WAC: variants seen among roughly 807,000 people sequenced by gnomAD.
The protein encoded by WAC is WW domain containing adaptor with coiled-coil.
WAC carries 11 observed loss-of-function variants against 79.6 expected under a neutral mutation model. The ratio of observed to expected loss-of-function variants is 0.14; its 90% CI spans 0.09 to 0.23. The LOEUF (loss-of-function observed/expected upper bound fraction) is 0.23. Ranked by LOEUF, WAC falls within the 10% of genes least tolerant of loss-of-function variation. The probability of loss-of-function intolerance (pLI) is 1.00; values close to 1 mark genes in which losing one functional copy is unlikely to be tolerated. For synonymous variants in WAC, 304 were observed against 276.9 expected, an observed-to-expected ratio of 1.10 and a Z score of -0.97; for missense variants, 728 against 773.5, an observed-to-expected ratio of 0.94 and a Z score of 0.70.
intron 13 of WAC, among the ~76,000 whole-genome samples, chr10:28,618,520 T>A (rs1841571650): frequency 6.6e-6 from 1 of 152,254 alleles, no homozygotes; most frequent in Admixed American, 6.5e-5. Flanking sequence ...CAGATTGCTC[T>A]GAAAGTAGTT....
chr10:28,577,535 C>T (rs1032012178), intron 3 of WAC, among the ~76,000 whole-genome samples: 3 of 151,926 alleles, frequency 2.0e-5, no homozygotes, highest in Non-Finnish European at 2.9e-5. Context: ...GCAGAAAAAC[C>T]GTATAGTACA....
chr10:28,567,738 T>A (rs1838726355), intron 3 of WAC, among the ~76,000 whole-genome samples: 1 of 152,188 alleles, frequency 6.6e-6, no homozygotes, highest in African/African-American at 2.4e-5. Flanking sequence ...CATTTCAGTG[T>A]GGGCTTTTCT....
At chr10:28,544,666 T>C (rs1385319300) in intron 3 of WAC, among the ~76,000 whole-genome samples, 1 of 152,142 alleles carries the variant, frequency 6.6e-6, no homozygotes, top group Non-Finnish European at 1.5e-5. Flanking sequence ...GTTTGCCAAA[T>C]GAGAGTTACA....
At chr10:28,602,615 A>G (rs1434360018) in intron 7 of WAC, among the ~76,000 whole-genome samples, 1 of 152,246 alleles carries the variant, frequency 6.6e-6, no homozygotes, top group Non-Finnish European at 1.5e-5. Flanking sequence ...AGTAATGATT[A>G]GAAGTGCACT....
At chr10:28,582,338 G>A (rs1187945843) in intron 3 of WAC, among the ~76,000 whole-genome samples, 1 of 151,998 alleles carries the variant, frequency 6.6e-6, no homozygotes, top group African/African-American at 2.4e-5. Flanking sequence ...TGTATTAATC[G>A]GACCATTTTC....
chr10:28,582,331 A>G (rs184727557), intron 3 of WAC, among the ~76,000 whole-genome samples: 9 of 152,344 alleles, frequency 5.9e-5, no homozygotes, highest in Admixed American at 5.9e-4. Flanking sequence ...CTAGTTCTGT[A>G]TTAATCGGAC....
intron 3 of WAC, among the ~76,000 whole-genome samples, chr10:28,549,942 A>G (rs1837566441): frequency 6.6e-6 from 1 of 152,132 alleles, no homozygotes; most frequent in Non-Finnish European, 1.5e-5. Context: ...AGGTGGATGG[A>G]TCACGAGGTC....
rs77828637 is a variant in WAC, at chr10:28,610,283, T to A, written c.1166-416T>A. Among the ~76,000 whole-genome samples, 657 of 152,230 alleles carry A rather than the reference T, an allele frequency of 4.3e-3. 2 individuals are homozygous for A. Among genetic ancestry groups the A allele is most frequent in the African/African-American group, 0.015 (628 of 41,524 alleles). On this transcript the variant is annotated intron_variant, in intron 8 of 13. Coordinates refer to ENST00000354911, the MANE Select transcript of WAC (RefSeq NM_016628.5). ...ATTAGGGTGGATCTTGATATAGGAT[T>A]TGAATGGCCAGCTTGTCTAAAAGGG...
chr10:28,594,719 T>C (rs1457657000), intron 6 of WAC, among the ~76,000 whole-genome samples: 1 of 152,210 alleles, frequency 6.6e-6, no homozygotes, highest in African/African-American at 2.4e-5. Context: ...AAAAAAACTA[T>C]ACAATAATCA....
chr10:28,586,923 A>G (rs1008837329), intron 4 of WAC, among the ~76,000 whole-genome samples: 4 of 152,156 alleles, frequency 2.6e-5, no homozygotes, highest in Non-Finnish European at 5.9e-5. Context: ...TTCATATTCC[A>G]GCTCATCTTG....
chr10:28,551,784 TTGTGTGTGTGTGTG>T (rs71769370), intron 3 of WAC, among the ~76,000 whole-genome samples: 92 of 124,814 alleles, frequency 7.4e-4, no homozygotes, highest in Non-Finnish European at 1.0e-3. Flanking sequence ...TCCTGTCTAC[TTGTGTGTGTGTGTG>T]TGTGTGTGTG....
chr10:28,577,004 C>G (rs992194468), intron 3 of WAC, among the ~76,000 whole-genome samples: 1 of 152,060 alleles, frequency 6.6e-6, no homozygotes, highest in Non-Finnish European at 1.5e-5. Flanking sequence ...GTTTCAAGTG[C>G]TTAGTAGCTA....
intron 7 of WAC, among the ~76,000 whole-genome samples, chr10:28,599,619 T>C (rs1840543317): frequency 6.6e-6 from 1 of 152,198 alleles, no homozygotes; most frequent in African/African-American, 2.4e-5. Flanking sequence ...TGTGTATGTG[T>C]TGTGCATCTG....
rs548790500 is a variant in WAC, at chr10:28,602,821, TC to T, written c.920-5364del. Among the ~76,000 whole-genome samples the T allele has an allele frequency of 4.6e-3, 696 of 152,322 alleles. 4 individuals carry two copies. Among genetic ancestry groups the T allele is most frequent in the African/African-American group, 0.016 (648 of 41,570 alleles). ...TAGCAACAGATTTTTATGCGTCTAGTCTTTGGTAGGCTGCCCTGCCCCAGCA... is the reference window on the plus strand; with the variant it reads ...TAGCAACAGATTTTTATGCGTCTAGTTTTGGTAGGCTGCCCTGCCCCAGCA... On this transcript the variant is annotated intron_variant, in intron 7 of 13. Coordinates refer to ENST00000354911, the MANE Select transcript of WAC (RefSeq NM_016628.5).
intron 7 of WAC, among the ~76,000 whole-genome samples, chr10:28,599,463 ATG>A (rs1035028792): frequency 2.6e-5 from 4 of 152,178 alleles, no homozygotes; most frequent in African/African-American, 9.6e-5. Flanking sequence ...CCTATACTAC[ATG>A]TGTGTAATGG....
intron 5 of WAC, 135 bp from the exon 6 acceptor site, chr10:28,590,585 C>T (rs1365813501): frequency 1.5e-6 from 1 of 680,782 alleles, no homozygotes; most frequent in Non-Finnish European, 2.4e-6. Context: ...TCTCACACAC[C>T]AGTTAAATTA....
At chr10:28,602,941 T>A (rs1840710617) in intron 7 of WAC, among the ~76,000 whole-genome samples, 1 of 152,208 alleles carries the variant, frequency 6.6e-6, no homozygotes, top group African/African-American at 2.4e-5. Flanking sequence ...AGGGTGATAT[T>A]TACAGCACAT....
At position 28,533,576 on chromosome 10, in the gene WAC, A is replaced by C; in HGVS notation, c.-4A>C. On this transcript the variant is annotated 5_prime_UTR_variant, in exon 1 of 14. Coordinates refer to ENST00000354911, the MANE Select transcript of WAC (RefSeq NM_016628.5). The stretch of plus-strand genomic sequence containing the variant: ...CCCGACACACACTCACAGGCCGGGC[A>C]TTGATGGTAATGTATGCGAGGAAAC... 2.5e-5 allele frequency: 36 copies of C among 1,448,192 alleles called. No individual in the cohort carries two copies. The highest frequency in any genetic ancestry group is 1.4e-4 in the East Asian group (4 of 29,386). 89.7% of individuals were successfully genotyped at this position (1,448,192 alleles called of 1,614,324 possible).
chr10:28,550,108 G>C (rs146521112), intron 3 of WAC, among the ~76,000 whole-genome samples: 1 of 151,654 alleles, frequency 6.6e-6, no homozygotes, highest in African/African-American at 2.4e-5. Flanking sequence ...GATGGAGGTC[G>C]CGGTGAGCGG....
Sources: allele counts gnomAD v4.1 joint callset (sites outside exome capture counted in the v4.1 genomes callset), GRCh38; gene constraint gnomAD v4.1.1; transcripts MANE v1.5; gene names NCBI Gene and HGNC (gene_info 2026-07-23, HGNC 2026-07-21).